MBP: variants seen among roughly 807,000 people sequenced by gnomAD.
The protein encoded by MBP is myelin basic protein, also known as Golli-MBP.
In MBP, 16 loss-of-function variants were observed where a neutral mutation model predicts 35.8. The ratio of observed to expected loss-of-function variants is 0.45; its 90% confidence interval spans 0.30 to 0.68. The LOEUF (loss-of-function observed/expected upper bound fraction) is 0.68. Among genes scored for constraint, MBP ranks in the 30% least tolerant of loss-of-function variants. The probability of loss-of-function intolerance (pLI) is 0.08; values close to 1 mark genes in which losing one functional copy is unlikely to be tolerated. For missense variants in MBP, 380 were observed against 404.7 expected (o/e 0.94, Z 0.52); for synonymous variants, 143 against 159.6 (o/e 0.90, Z 0.78).
chr18:77,052,403 C>G (rs2144703836), intron 3 of MBP, among the ~76,000 whole-genome samples: 1 of 152,302 alleles, frequency 6.6e-6, no homozygotes, highest in Non-Finnish European at 1.5e-5. Context: ...CTCCCCGGGT[C>G]CCGAGCTGGA....
chr18:77,087,464 C>CG (rs11432792), intron 2 of MBP: 115,132 of 152,242 alleles, frequency 0.76, 44,122 homozygotes, highest in Non-Finnish European at 0.83. Context: ...CCGCGGAGCT[C>CG]GCCAGCCCTA....
intron 2 of MBP, among the ~76,000 whole-genome samples, chr18:77,075,144 C>G (rs1974602289): frequency 6.6e-6 from 1 of 152,224 alleles, no homozygotes; most frequent in Non-Finnish European, 1.5e-5. Context: ...GGTGGAATCA[C>G]TGAAGTATCT....
chr18:77,052,348 G>T (rs778999992), intron 3 of MBP, among the ~76,000 whole-genome samples: 6 of 152,178 alleles, frequency 3.9e-5, no homozygotes, highest in Non-Finnish European at 8.8e-5. Context: ...AGACAAAGGG[G>T]TCCTTGGATG....
rs534777909 is a variant in MBP, at chr18:76,989,775, G to A, written c.681+181C>T. On this transcript the variant is annotated intron_variant, in intron 5 of 8. Coordinates refer to ENST00000355994, the MANE Select transcript of MBP (RefSeq NM_001025101.2). The surrounding 1 kb of genome is among the most constrained non-coding windows in gnomAD (Gnocchi z 4.0). Reference sequence around the variant, plus strand: ...GGTGCAATCCGTGGCAGATACAGTCGGGAAGCGCTTGCCTGGAACTCGCGA... The same window carrying A: ...GGTGCAATCCGTGGCAGATACAGTCAGGAAGCGCTTGCCTGGAACTCGCGA... 1.2e-5 allele frequency: 7 copies of A among 603,432 alleles called. No individual in the cohort carries two copies. Among genetic ancestry groups the A allele is most frequent in the Admixed American group, 2.7e-5 (1 of 37,310 alleles). The allele number at this position is 603,432 out of a possible 1,614,324, so 37.4% of individuals were successfully genotyped here. A position where few individuals can be genotyped will look rare whatever the true frequency, so the allele number is the denominator to read the frequency against.
At chr18:77,047,587 C>T (rs1266450969) in intron 3 of MBP, among the ~76,000 whole-genome samples, 1 of 152,182 alleles carries the variant, frequency 6.6e-6, no homozygotes, top group Non-Finnish European at 1.5e-5. Flanking sequence ...TGGGGATACA[C>T]TAAAAACCGT....
chr18:77,047,461 G>C (rs995724759), intron 3 of MBP, among the ~76,000 whole-genome samples: 10 of 152,228 alleles, frequency 6.6e-5, no homozygotes, highest in African/African-American at 2.2e-4. Flanking sequence ...CAGTGGCCGG[G>C]GGCTGGGGTG....
intron 2 of MBP, among the ~76,000 whole-genome samples, chr18:77,088,776 T>C (rs911574694): frequency 7.2e-5 from 11 of 152,232 alleles, no homozygotes; most frequent in Non-Finnish European, 1.5e-4. Context: ...TGCAGTGGGT[T>C]GTGTCCCTTT....
At chr18:77,000,776 T>G (rs1970588014) in intron 4 of MBP, among the ~76,000 whole-genome samples, 1 of 152,206 alleles carries the variant, frequency 6.6e-6, no homozygotes, top group African/African-American at 2.4e-5. Flanking sequence ...CCTGGGGAGC[T>G]GGGCGTTCTG....
intron 2 of MBP, among the ~76,000 whole-genome samples, chr18:77,095,864 T>C (rs1317427471): frequency 2.0e-5 from 3 of 152,232 alleles, no homozygotes; most frequent in Admixed American, 1.3e-4. Context: ...ACCCGCCATG[T>C]GCACGCACCA....
intron 2 of MBP, among the ~76,000 whole-genome samples, chr18:77,078,919 GC>G (rs1032424668): frequency 6.6e-6 from 1 of 152,218 alleles, no homozygotes; most frequent in Non-Finnish European, 1.5e-5. Flanking sequence ...GCCTGGCTGT[GC>G]CCTGGGCACT....
intron 4 of MBP, chr18:77,013,705 T>C: frequency 1.0e-6 from 1 of 985,372 alleles, no homozygotes; most frequent in African/African-American, 1.7e-5. Context: ...AAATCATCGG[T>C]AAGAAGCTAG....
intron 3 of MBP, among the ~76,000 whole-genome samples, chr18:77,022,797 A>G (rs1013803980): frequency 1.3e-5 from 2 of 152,218 alleles, no homozygotes; most frequent in Non-Finnish European, 2.9e-5. Context: ...TTTGTCCCCA[A>G]AGTAGCTTCT....
chr18:77,059,500 CTAA>C (rs1973879157), intron 3 of MBP, among the ~76,000 whole-genome samples: 1 of 116,556 alleles, frequency 8.6e-6, no homozygotes, highest in South Asian at 2.4e-4. Context: ...TAATTTAATT[CTAA>C]TGATAATAAT....
chr18:77,047,995 A>T (rs1312913072), intron 3 of MBP, among the ~76,000 whole-genome samples: 1 of 152,244 alleles, frequency 6.6e-6, no homozygotes, highest in Non-Finnish European at 1.5e-5. Context: ...AATAATTTTC[A>T]ACAATGTGAT....
Position 77,101,870 on chromosome 18 carries a change from C to A in MBP, c.51+3341G>T, listed in dbSNP as rs1188432843. Among the ~76,000 whole-genome samples the A allele has an allele frequency of 6.6e-6, 1 of 152,132 alleles. No individual in the cohort carries two copies. The highest frequency in any genetic ancestry group is 1.5e-5 in the Non-Finnish European group (1 of 68,018). ...CCCCAGCAGCCAACGGCACCTAAAGCCTGCTCAGGAAACTGAGCTTTTATG... is the reference window on the plus strand; with the variant it reads ...CCCCAGCAGCCAACGGCACCTAAAGACTGCTCAGGAAACTGAGCTTTTATG... On this transcript the variant is annotated intron_variant, in intron 2 of 8. Transcript: ENST00000355994. This position sits in a 1 kb window ranked among gnomAD's most constrained non-coding sequence, Gnocchi z 4.3.
In MBP at chr18:77,018,223, C is replaced by T. The variant is rs1971755296; in HGVS notation, c.140-955G>A. Among the ~76,000 whole-genome samples the T allele has an allele frequency of 3.5e-5, 5 of 144,228 alleles. No homozygotes were observed. In the South Asian group the frequency reaches 1.2e-3, roughly 33 times the overall value. The allele number at this position is 144,228 out of a possible 152,430, so 94.6% of individuals were successfully genotyped here. A position where few individuals can be genotyped will look rare whatever the true frequency, so the allele number is the denominator to read the frequency against. ...CATCCATCCATGCATCCATCCATCC[C>T]CCATCCACTCATCCATCCGTTCACC... On this transcript the variant is annotated intron_variant, in intron 3 of 8. Transcript: ENST00000355994.
At chr18:77,124,119 C>T (rs1039327692) in intron 1 of MBP, among the ~76,000 whole-genome samples, 5 of 152,266 alleles carry the variant, frequency 3.3e-5, no homozygotes, top group African/African-American at 9.6e-5. Context: ...AAAGACGGGC[C>T]GCAACACCAG....
At chr18:77,126,196 A>G (rs1977042469) in intron 1 of MBP, among the ~76,000 whole-genome samples, 1 of 152,242 alleles carries the variant, frequency 6.6e-6, no homozygotes, top group Admixed American at 6.5e-5. Flanking sequence ...AAGTGAATCT[A>G]GCAACACATA....
At chr18:77,067,842 G>A (rs746710303) in intron 2 of MBP, 1 of 513,376 alleles carries the variant, frequency 1.9e-6, no homozygotes, top group South Asian at 1.4e-5. Context: ...GGAGAGAGGG[G>A]CAGGCACAGC....
Sources: gnomAD v4.1 joint callset for allele counts (sites outside exome capture counted in the v4.1 genomes callset) on GRCh38, gnomAD v4.1.1 for gene constraint, Gnocchi (gnomAD v3.1) non-coding constraint, MANE v1.5 for transcripts, NCBI Gene and HGNC (gene_info 2026-07-23, HGNC 2026-07-21) for gene names.